DGKH: variants seen among roughly 807,000 people sequenced by gnomAD.
DGKH encodes the protein DAG kinase eta.
A neutral mutation model predicts 159.3 loss-of-function variants in DGKH; 90 were observed. That is an observed-to-expected ratio of 0.57 (90% CI 0.48 to 0.67). The LOEUF (loss-of-function observed/expected upper bound fraction) is 0.67, where lower values mean the gene tolerates loss of function less well. DGKH is among the 30% of genes least tolerant of loss of function. The pLI, the probability that DGKH is intolerant of heterozygous loss-of-function variation, is 0.00. For synonymous variants in DGKH, 536 were observed against 553.8 expected (o/e 0.97, Z 0.45); for missense variants, 1,181 against 1,506.1 (o/e 0.78, Z 3.57).
At chr13:42,115,400 C>T (rs138773642) in intron 1 of DGKH, among the ~76,000 whole-genome samples, 3 of 151,930 alleles carry the variant, frequency 2.0e-5, no homozygotes, top group Non-Finnish European at 4.4e-5. Flanking sequence ...GAAACTCAGT[C>T]CTATAGGAGA....
intron 1 of DGKH, among the ~76,000 whole-genome samples, chr13:42,111,558 G>A (rs1954863357): frequency 1.3e-5 from 2 of 152,058 alleles, no homozygotes; most frequent in African/African-American, 2.4e-5. Context: ...CCAGCCTGGG[G>A]AAGAGTGAGA....
rs113055504 is a variant in DGKH at position 42,197,267 on chromosome 13, A to G, written c.2168-1211A>G. ...TCTATCTCAACAAAAAAAAAAAAAAAAAAGAAAGAAAATATTAACACTTCC... is the reference window on the plus strand; with the variant it reads ...TCTATCTCAACAAAAAAAAAAAAAAGAAAGAAAGAAAATATTAACACTTCC... On this transcript the variant is annotated intron_variant, in intron 17 of 29. Coordinates refer to ENST00000337343, the MANE Select transcript of DGKH (RefSeq NM_178009.5). Among the ~76,000 whole-genome samples, 50 of 135,400 alleles carry G rather than the reference A, an allele frequency of 3.7e-4. 1 individual carries two copies. Among genetic ancestry groups the G allele is most frequent in the African/African-American group, 7.3e-4 (29 of 39,778 alleles). 88.8% of individuals were successfully genotyped at this position (135,400 alleles called of 152,430 possible). A position where few individuals can be genotyped will look rare whatever the true frequency, so the allele number is the denominator to read the frequency against.
rs185782377 is a variant in DGKH, at chr13:42,203,170, G to A, written c.2494-2869G>A. On this transcript the variant is annotated intron_variant, in intron 20 of 29. Coordinates refer to ENST00000337343, the MANE Select transcript of DGKH (RefSeq NM_178009.5). ...TAATTCATTTCAGTAATAACTAGTTGTAACTACTTTTTAAATCATTTTGAA... is the reference window on the plus strand; with the variant it reads ...TAATTCATTTCAGTAATAACTAGTTATAACTACTTTTTAAATCATTTTGAA... Among the ~76,000 whole-genome samples the A allele has an allele frequency of 2.6e-5, 4 of 152,192 alleles. No individual in the cohort carries two copies. The East Asian group carries it at 7.7e-4, about 29-fold the overall frequency.
chr13:42,240,683 T>A lies in DGKH; in HGVS notation c.*11495T>A, dbSNP rs1379337447. The A allele has an allele frequency of 6.6e-6, 1 of 152,216 alleles. No individual in the cohort carries two copies. Among genetic ancestry groups the A allele is most frequent in the Non-Finnish European group, 1.5e-5 (1 of 68,036 alleles). 9.4% of individuals were successfully genotyped at this position (152,216 alleles called of 1,614,324 possible). A position where few individuals can be genotyped will look rare whatever the true frequency, so the allele number is the denominator to read the frequency against. ...AAGGCTTGTGACTCTTATCACCCTC[T>A]ATAGAATATAAAGACTAAAAATAAA... On this transcript the variant is annotated 3_prime_UTR_variant, in exon 30 of 30. Transcript: ENST00000337343.
At position 42,230,723 on chromosome 13, in the gene DGKH, T is replaced by C. The variant is rs767253688; in HGVS notation, c.*1535T>C. ...ACATACACATATACATTTATATGTGTATATATATACCTACATACATATAAC... is the reference window on the plus strand; with the variant it reads ...ACATACACATATACATTTATATGTGCATATATATACCTACATACATATAAC... On this transcript the variant is annotated 3_prime_UTR_variant, in exon 30 of 30. Transcript: ENST00000337343. The C allele has an allele frequency of 2.0e-5, 3 of 152,052 alleles. No individual in the cohort carries two copies. Among genetic ancestry groups the C allele is most frequent in the Non-Finnish European group, 2.9e-5 (2 of 67,996 alleles). The allele number at this position is 152,052 out of a possible 1,614,324, so 9.4% of individuals were successfully genotyped here. A position where few individuals can be genotyped will look rare whatever the true frequency, so the allele number is the denominator to read the frequency against.
At chr13:42,056,244 A>T (rs922273830) in intron 1 of DGKH, among the ~76,000 whole-genome samples, 3 of 151,994 alleles carry the variant, frequency 2.0e-5, no homozygotes, top group Admixed American at 2.0e-4. Context: ...AAATGATCAT[A>T]TATGGTAATA....
intron 15 of DGKH, among the ~76,000 whole-genome samples, chr13:42,189,713 C>G (rs1476921064): frequency 6.6e-6 from 1 of 152,168 alleles, no homozygotes; most frequent in African/African-American, 2.4e-5. Context: ...GTTGCCCAAG[C>G]TGGAGTACAG....
chr13:42,101,883 T>C (rs1954658742), intron 1 of DGKH, among the ~76,000 whole-genome samples: 1 of 152,136 alleles, frequency 6.6e-6, no homozygotes, highest in Non-Finnish European at 1.5e-5. Context: ...AAGAAGAGTG[T>C]GTAGGAAGAG....
intron 13 of DGKH, among the ~76,000 whole-genome samples, chr13:42,181,104 G>A (rs1956743570): frequency 1.3e-5 from 2 of 151,626 alleles, no homozygotes; most frequent in South Asian, 2.1e-4. Context: ...GTGAAACCCC[G>A]TCTCTACTAA....
chr13:42,228,667 GAGAA>G (rs1454518342), intron 29 of DGKH, among the ~76,000 whole-genome samples: 5 of 86,466 alleles, frequency 5.8e-5, no homozygotes, highest in East Asian at 4.3e-4. Context: ...AAGAAAGGGA[GAGAA>G]AGAAAGAGAA....
At chr13:42,041,166 G>A (rs1283422795) in intron 1 of DGKH, among the ~76,000 whole-genome samples, 1 of 152,176 alleles carries the variant, frequency 6.6e-6, no homozygotes, top group South Asian at 2.1e-4. Context: ...GCTGGCGACG[G>A]CCCTGCGAGG....
In DGKH at chr13:42,237,396, G is replaced by A. The variant is rs1958437838; in HGVS notation, c.*8208G>A. The A allele has an allele frequency of 8.4e-6, 1 of 119,304 alleles. No individual in the cohort carries two copies. The highest frequency in any genetic ancestry group is 8.5e-5 in the Admixed American group (1 of 11,828). The allele number at this position is 119,304 out of a possible 1,614,324, so 7.4% of individuals were successfully genotyped here. On this transcript the variant is annotated 3_prime_UTR_variant, in exon 30 of 30. Coordinates refer to ENST00000337343, the MANE Select transcript of DGKH (RefSeq NM_178009.5). ...TGTTGCACAAGCAGTTATTGGAAGT[G>A]GGGGAAAAAAAGAAAACTGGTGAGA...
intron 26 of DGKH, among the ~76,000 whole-genome samples, chr13:42,216,245 G>A (rs766485302): frequency 1.3e-5 from 2 of 152,186 alleles, no homozygotes; most frequent in Non-Finnish European, 2.9e-5. Context: ...TTAGCAGCAC[G>A]AGTTAGCCTT....
intron 22 of DGKH, 80 bp from the exon 23 acceptor site, chr13:42,209,251 C>A: frequency 6.5e-7 from 1 of 1,531,144 alleles, no homozygotes; most frequent in Non-Finnish European, 8.8e-7. Flanking sequence ...GTAGAATAGT[C>A]TAATACTCAA....
In DGKH at chr13:42,231,170, T is replaced by C. The variant is rs1332173920; in HGVS notation, c.*1982T>C. The C allele has an allele frequency of 6.6e-6, 1 of 152,050 alleles. No individual in the cohort carries two copies. Among genetic ancestry groups the C allele is most frequent in the Admixed American group, 6.6e-5 (1 of 15,264 alleles). The allele number at this position is 152,050 out of a possible 1,614,324, so 9.4% of individuals were successfully genotyped here. ...AGGAGTTCGAGACCAGCCTGACCAG[T>C]GTATGAAACCCCATCTCTACTAAAA... On this transcript the variant is annotated 3_prime_UTR_variant, in exon 30 of 30. Transcript: ENST00000337343.
chr13:42,199,799 A>T lies in DGKH; in HGVS notation c.2397-14A>T. 1 of 1,593,972 alleles carries T rather than the reference A, an allele frequency of 6.3e-7. No homozygotes were observed. The highest frequency in any genetic ancestry group is 8.5e-7 in the Non-Finnish European group (1 of 1,174,376). Reference sequence around the variant, plus strand: ...TAAAATTTCCTGAAATTGCCTGCCAATATTTATTTTCAGGAGCCGAACTAA... The same window carrying T: ...TAAAATTTCCTGAAATTGCCTGCCATTATTTATTTTCAGGAGCCGAACTAA... On this transcript the variant is annotated splice_polypyrimidine_tract_variant and intron_variant, in intron 19 of 29. Coordinates refer to ENST00000337343, the MANE Select transcript of DGKH (RefSeq NM_178009.5).
chr13:42,152,480 T>C (rs1566135737), intron 3 of DGKH, among the ~76,000 whole-genome samples: 1 of 149,542 alleles, frequency 6.7e-6, no homozygotes, highest in African/African-American at 2.4e-5. Flanking sequence ...TACACATGTA[T>C]ACACACACAT....
chr13:42,168,880 T>A, intron 11 of DGKH, 62 bp downstream of exon 11: 1 of 1,506,340 alleles, frequency 6.6e-7, no homozygotes. Flanking sequence ...ATTTTTTTGA[T>A]GATTTCTTAA....
intron 29 of DGKH, among the ~76,000 whole-genome samples, chr13:42,251,234 A>G (rs238327): frequency 0.36 from 54,885 of 151,844 alleles, 10,303 homozygotes; most frequent in Non-Finnish European, 0.41. Context: ...TCAACACTTC[A>G]TGAGGCTGTG....
Sources: allele counts gnomAD v4.1 joint callset (sites outside exome capture counted in the v4.1 genomes callset), GRCh38; gene constraint gnomAD v4.1.1; transcripts MANE v1.5; gene names NCBI Gene and HGNC (gene_info 2026-07-23, HGNC 2026-07-21).